MFN2: variants seen among roughly 807,000 people sequenced by gnomAD.
The protein encoded by MFN2 is mitofusin 2.
A neutral mutation model predicts 87.5 loss-of-function variants in MFN2; 43 were observed. The observed-to-expected ratio is 0.49, with a 90% CI of 0.38 to 0.63. MFN2 has a LOEUF of 0.63. Among genes scored for constraint, MFN2 ranks in the 30% least tolerant of loss-of-function variants. MFN2 has a pLI of 0.00. For synonymous variants in MFN2, 337 were observed against 359.9 expected (o/e 0.94, Z 0.72); for missense variants, 743 against 972.8 (o/e 0.76, Z 3.14).
intron 3 of MFN2, 72 bp downstream of exon 3, chr1:11,989,415 G>T: frequency 6.5e-7 from 1 of 1,548,012 alleles, no homozygotes; most frequent in Non-Finnish European, 8.8e-7. Flanking sequence ...TTTGCGGGTG[G>T]GGAGGTATAT....
chr1:11,994,904 C>G (rs1638844923), intron 4 of MFN2, among the ~76,000 whole-genome samples: 1 of 152,172 alleles, frequency 6.6e-6, no homozygotes. Flanking sequence ...AGGTTGAAAG[C>G]TCTGAGACTC....
At chr1:11,999,437 G>A (rs1179850282) in intron 8 of MFN2, among the ~76,000 whole-genome samples, 1 of 152,180 alleles carries the variant, frequency 6.6e-6, no homozygotes, top group Non-Finnish European at 1.5e-5. Flanking sequence ...CTGGAAAGAG[G>A]AATGGAGAAT....
intron 14 of MFN2, among the ~76,000 whole-genome samples, 158 bp from the exon 15 acceptor site, chr1:12,005,553 T>C (rs1248062187): frequency 2.0e-5 from 3 of 152,236 alleles, no homozygotes; most frequent in Non-Finnish European, 4.4e-5. Context: ...AAGTGAGGCA[T>C]GCTCAGTCTC....
intron 14 of MFN2, 140 bp from the exon 15 acceptor site, chr1:12,005,570 CA>C: frequency 2.2e-6 from 2 of 894,804 alleles, no homozygotes; most frequent in Admixed American, 3.4e-5. Flanking sequence ...TCTCACGGGC[CA>C]ACTTGACTGG....
In MFN2 at chr1:11,983,452, C is replaced by T. The variant is rs944427502; in HGVS notation, c.-5+1338C>T. On this transcript the variant is annotated intron_variant, in intron 2 of 18. Transcript: ENST00000235329. ...TTGGGTGCAAGTCGAGTTCTGTGGA[C>T]CACGCTTTGGGAAGTGCTGCCAGAA... 2.6e-5 allele frequency among the ~76,000 whole-genome samples: 4 copies of T among 152,180 alleles called. No homozygotes were observed. In the East Asian group the frequency reaches 5.8e-4, roughly 22 times the overall value.
chr1:12,009,825 A>G, intron 18 of MFN2, 99 bp downstream of exon 18: 2 of 1,560,058 alleles, frequency 1.3e-6, no homozygotes, highest in Non-Finnish European at 8.8e-7. Flanking sequence ...GTGGACACAA[A>G]TTTTTCTGGT....
intron 14 of MFN2, 40 bp from the exon 15 acceptor site, chr1:12,005,671 C>A: frequency 6.3e-7 from 1 of 1,590,754 alleles, no homozygotes; most frequent in Non-Finnish European, 8.6e-7. Context: ...TGGTGCAGGG[C>A]TGAGCTGATA....
intron 6 of MFN2, among the ~76,000 whole-genome samples, chr1:11,997,940 G>A (rs1351937330): frequency 2.9e-5 from 4 of 139,754 alleles, no homozygotes; most frequent in East Asian, 2.1e-4. Flanking sequence ...CTGGAGTGCA[G>A]TGGTGCAGTC....
intron 6 of MFN2, among the ~76,000 whole-genome samples, chr1:11,998,437 AC>A (rs1639024722): frequency 6.6e-6 from 1 of 151,998 alleles, no homozygotes; most frequent in African/African-American, 2.4e-5. Context: ...AGTGCCAGCT[AC>A]TTGGGAGGCT....
intron 10 of MFN2, 51 bp downstream of exon 10, chr1:12,001,887 A>G (rs1444004798): frequency 6.2e-7 from 1 of 1,613,828 alleles, no homozygotes; most frequent in Non-Finnish European, 8.5e-7. Context: ...CCCAGCTCCC[A>G]TTGGCTGTGT....
intron 14 of MFN2, 118 bp from the exon 15 acceptor site, chr1:12,005,593 C>T (rs924335562): frequency 1.8e-6 from 2 of 1,097,928 alleles, no homozygotes. Context: ...GTGTGGTTCC[C>T]AGGCAAAGCT....
rs1639708651 is a variant in MFN2, at chr1:12,011,734, C to A, written c.*169C>A. On this transcript the variant is annotated 3_prime_UTR_variant, in exon 19 of 19. Coordinates refer to ENST00000235329, the MANE Select transcript of MFN2 (RefSeq NM_014874.4). ...CCCTCCAGCACTACTTATTTTCCCC[C>A]ACCTTTGCCTGCTGTTGCTGGAAGA... 9 of 687,168 alleles carry A rather than the reference C, an allele frequency of 1.3e-5. No individual in the cohort carries two copies. The South Asian group carries it at 1.4e-4, about 11-fold the overall frequency. 42.6% of individuals were successfully genotyped at this position (687,168 alleles called of 1,614,324 possible). A position where few individuals can be genotyped will look rare whatever the true frequency, so the allele number is the denominator to read the frequency against.
intron 17 of MFN2, among the ~76,000 whole-genome samples, chr1:12,009,194 G>A (rs899828907): frequency 6.6e-6 from 1 of 152,058 alleles, no homozygotes; most frequent in African/African-American, 2.4e-5. Flanking sequence ...ACCGTGGAAA[G>A]AGAGGGAGAG....
intron 2 of MFN2, among the ~76,000 whole-genome samples, chr1:11,982,842 A>C (rs1557510549): frequency 6.6e-6 from 1 of 152,190 alleles, no homozygotes; most frequent in African/African-American, 2.4e-5. Flanking sequence ...GCAGGAGAGT[A>C]CCAGAAAGAG....
chr1:12,005,622 T>G (rs1639372604), intron 14 of MFN2, 89 bp from the exon 15 acceptor site: 1 of 1,328,726 alleles, frequency 7.5e-7, no homozygotes. Context: ...TCCCTGGCAG[T>G]AGCTGGTAGA....
rs554000056 is a variant in MFN2 at position 12,001,610 on chromosome 1, G to A, written c.970+56G>A. The A allele has an allele frequency of 3.4e-5, 54 of 1,610,828 alleles. No homozygotes were observed. The East Asian group carries it at 3.6e-4, about 11-fold the overall frequency. On this transcript the variant is annotated intron_variant, in intron 9 of 18. Coordinates refer to ENST00000235329, the MANE Select transcript of MFN2 (RefSeq NM_014874.4). ...TCTGATGTTTGAGACATTTTGTCTC[G>A]TGCTGAGGAGTCTGTCAGTAGAAAA...
intron 17 of MFN2, among the ~76,000 whole-genome samples, chr1:12,009,228 G>A (rs1639582900): frequency 6.6e-6 from 1 of 151,372 alleles, no homozygotes; most frequent in Admixed American, 6.6e-5. Context: ...AGAGGGAGAG[G>A]GAGCGGGAGA....
At chr1:11,995,449 A>G (rs1344752209) in intron 4 of MFN2, among the ~76,000 whole-genome samples, 3 of 152,116 alleles carry the variant, frequency 2.0e-5, no homozygotes, top group East Asian at 1.9e-4. Flanking sequence ...TCTGGCCAAC[A>G]TGGTGAAACC....
At chr1:11,996,930 C>T (rs962953269) in intron 5 of MFN2, among the ~76,000 whole-genome samples, 3 of 151,572 alleles carry the variant, frequency 2.0e-5, no homozygotes, top group African/African-American at 2.4e-5. Flanking sequence ...CCCAGCTAGT[C>T]GCGAGGCTGA....
Sources: gnomAD v4.1 joint callset for allele counts (sites outside exome capture counted in the v4.1 genomes callset) on GRCh38, gnomAD v4.1.1 for gene constraint, MANE v1.5 for transcripts, NCBI Gene and HGNC (gene_info 2026-07-23, HGNC 2026-07-21) for gene names.